RFFL: variants seen among roughly 807,000 people sequenced by gnomAD.
The protein encoded by RFFL is E3 ubiquitin-protein ligase rififylin.
Under a neutral mutation model 40.4 loss-of-function variants are expected in RFFL, and 16 were observed. That is an observed-to-expected ratio of 0.40 (90% CI 0.27 to 0.60). The LOEUF is 0.60. RFFL is among the 20% of genes least tolerant of loss of function. The pLI, the probability that RFFL is intolerant of heterozygous loss-of-function variation, is 0.47. For missense variants in RFFL, 367 were observed against 451.7 expected (o/e 0.81, Z 1.70); for synonymous variants, 154 against 167.9 (o/e 0.92, Z 0.64).
intron 1 of RFFL, among the ~76,000 whole-genome samples, chr17:35,050,727 C>T (rs868340304): frequency 7.9e-5 from 12 of 151,926 alleles, no homozygotes; most frequent in Middle Eastern, 3.4e-3. Context: ...CATGCCAGCA[C>T]TTTGGAAGGC....
At chr17:35,045,891 G>T (rs1427592706) in intron 1 of RFFL, among the ~76,000 whole-genome samples, 1 of 151,906 alleles carries the variant, frequency 6.6e-6, no homozygotes, top group African/African-American at 2.4e-5. Flanking sequence ...GGGCGTGGTG[G>T]TGTATATGCC....
At chr17:35,015,403 A>T (rs2090967094) in intron 5 of RFFL, among the ~76,000 whole-genome samples, 1 of 152,278 alleles carries the variant, frequency 6.6e-6, no homozygotes, top group Admixed American at 6.5e-5. Flanking sequence ...TAGCTGTTTC[A>T]GTCAGTCAGA....
intron 1 of RFFL, chr17:35,042,295 C>T (rs2091171304): frequency 6.6e-6 from 1 of 152,182 alleles, no homozygotes; most frequent in African/African-American, 2.4e-5. Flanking sequence ...ACTTGAACTC[C>T]TTTGAAACTG....
At chr17:35,042,572 A>G (rs2091173187) in intron 1 of RFFL, among the ~76,000 whole-genome samples, 1 of 152,174 alleles carries the variant, frequency 6.6e-6, no homozygotes, top group East Asian at 1.9e-4. Context: ...CTGTAATCCC[A>G]GCACTTTGGG....
intron 1 of RFFL, among the ~76,000 whole-genome samples, chr17:35,056,692 A>C (rs2091263449): frequency 6.6e-6 from 1 of 151,204 alleles, no homozygotes; most frequent in Non-Finnish European, 1.5e-5. Context: ...CTACTTTTTA[A>C]ATGCATCCTG....
At chr17:35,031,098 T>G (rs952581467) in intron 1 of RFFL, among the ~76,000 whole-genome samples, 1 of 152,022 alleles carries the variant, frequency 6.6e-6, no homozygotes, top group African/African-American at 2.4e-5. Flanking sequence ...GAGGACAAGG[T>G]TGTAGGCAAT....
At chr17:35,055,036 G>A (rs1417445071) in intron 1 of RFFL, among the ~76,000 whole-genome samples, 1 of 151,728 alleles carries the variant, frequency 6.6e-6, no homozygotes, top group East Asian at 2.0e-4. Flanking sequence ...TCCTGCCTCA[G>A]CCTCCTGAGT....
At chr17:35,080,191 C>G (rs1376770746) in intron 1 of RFFL, among the ~76,000 whole-genome samples, 1 of 152,188 alleles carries the variant, frequency 6.6e-6, no homozygotes, top group African/African-American at 2.4e-5. Flanking sequence ...TGATCTTCCA[C>G]ACCATGTAAA....
chr17:35,084,409 T>C (rs797992), intron 1 of RFFL, among the ~76,000 whole-genome samples: 106,480 of 151,726 alleles, frequency 0.7, 38,563 homozygotes, highest in African/African-American at 0.9. Flanking sequence ...GCCTGGTCAA[T>C]ATAGTAAAAC....
chr17:35,016,058 T>C (rs1325422359), intron 5 of RFFL, among the ~76,000 whole-genome samples: 3 of 152,334 alleles, frequency 2.0e-5, no homozygotes, highest in Admixed American at 6.5e-5. Context: ...AGGGAGGGGA[T>C]AGCATATGGT....
intron 1 of RFFL, among the ~76,000 whole-genome samples, chr17:35,038,843 C>A (rs1233859796): frequency 6.6e-6 from 1 of 152,166 alleles, no homozygotes; most frequent in Non-Finnish European, 1.5e-5. Context: ...TGTAAAAATT[C>A]ATCGAACTGT....
chr17:35,051,330 A>C (rs530253371), intron 1 of RFFL, among the ~76,000 whole-genome samples: 1 of 152,300 alleles, frequency 6.6e-6, no homozygotes, highest in African/African-American at 2.4e-5. Context: ...AAGTTTCAAA[A>C]CACAGGCACA....
chr17:35,041,131 T>C (rs1419752677), intron 1 of RFFL, among the ~76,000 whole-genome samples: 1 of 152,096 alleles, frequency 6.6e-6, no homozygotes, highest in Admixed American at 6.5e-5. Context: ...CTAACTAGAA[T>C]AGAAACCCCA....
At chr17:35,056,318 G>A (rs1239287592) in intron 1 of RFFL, among the ~76,000 whole-genome samples, 1 of 150,194 alleles carries the variant, frequency 6.7e-6, no homozygotes, top group Admixed American at 6.6e-5. Context: ...AGGCCCTAGG[G>A]TTCTGTACTC....
At chr17:35,079,578 G>A in intron 1 of RFFL, among the ~76,000 whole-genome samples, 1 of 152,180 alleles carries the variant, frequency 6.6e-6, no homozygotes, top group Non-Finnish European at 1.5e-5. Context: ...TAGAGGTGAA[G>A]CTGCAGAACT....
chr17:35,027,724 C>CA (rs34594614), intron 1 of RFFL, among the ~76,000 whole-genome samples: 36,053 of 90,064 alleles, frequency 0.4, 7,233 homozygotes, highest in Non-Finnish European at 0.48. Context: ...AACTCCGTCT[C>CA]AAAAAAAAAA....
chr17:35,073,249 T>C (rs565188951), intron 1 of RFFL, among the ~76,000 whole-genome samples: 1 of 152,258 alleles, frequency 6.6e-6, no homozygotes, highest in South Asian at 2.1e-4. Flanking sequence ...TCCATCACAA[T>C]ATTTTTATCG....
chr17:35,041,939 C>T (rs1173999916), intron 1 of RFFL, among the ~76,000 whole-genome samples: 1 of 152,086 alleles, frequency 6.6e-6, no homozygotes. Flanking sequence ...CGCTTGAACC[C>T]GGGAGGCAGA....
chr17:35,071,353 C>T (rs117278345), intron 1 of RFFL, among the ~76,000 whole-genome samples: 3,061 of 152,230 alleles, frequency 0.02, 40 homozygotes, highest in Admixed American at 0.031. Flanking sequence ...TGCGGTGGCT[C>T]ACCCCTGTCA....
Sources: allele counts gnomAD v4.1 joint callset (sites outside exome capture counted in the v4.1 genomes callset), GRCh38; gene constraint gnomAD v4.1.1; transcripts MANE v1.5; gene names NCBI Gene and HGNC (gene_info 2026-07-23, HGNC 2026-07-21).